The following NPIPB7 variants were observed in gnomAD, a reference collection of about 807,000 sequenced individuals.
NPIPB7 encodes nuclear pore complex interacting protein family member B7.
For synonymous variants in NPIPB7, 9 were observed against 88.1 expected (o/e 0.10, Z 5.03); for missense variants, 14 against 238.5 (o/e 0.06, Z 6.20).
At chr16:28,465,496 A>AG (rs1555466509) in intron 2 of NPIPB7, among the ~76,000 whole-genome samples, 64 of 144,184 alleles carry the variant, frequency 4.4e-4, no homozygotes, top group Non-Finnish European at 1.8e-4. Context: ...GGGTGAGAAA[A>AG]GAAAAAAAAA....
At chr16:28,469,092 G>C (rs1308621893) in intron 1 of NPIPB7, among the ~76,000 whole-genome samples, 9 of 108,108 alleles carry the variant, frequency 8.3e-5, no homozygotes, top group Non-Finnish European at 1.3e-4. Flanking sequence ...AGCATATGCT[G>C]AGTCTGAAAT....
At chr16:28,470,771 G>T (rs973008235), upstream of NPIPB7, among the ~76,000 whole-genome samples, 7 of 149,902 alleles carry the variant, frequency 4.7e-5, no homozygotes, top group African/African-American at 1.7e-4. Flanking sequence ...AAGTTCTCAA[G>T]CGCTGGTGGA....
intron 1 of NPIPB7, among the ~76,000 whole-genome samples, chr16:28,468,343 A>G (rs2045917591): frequency 1.6e-5 from 2 of 127,416 alleles, no homozygotes; most frequent in African/African-American, 6.0e-5. Context: ...ATTGATGTAT[A>G]ACATTGGATG....
upstream of NPIPB7, among the ~76,000 whole-genome samples, chr16:28,471,907 G>A (rs2045952954): frequency 6.6e-6 from 1 of 152,182 alleles, no homozygotes; most frequent in Non-Finnish European, 1.5e-5. Flanking sequence ...GCACCTGCCT[G>A]TAGTCCCAGA....
chr16:28,468,761 C>A (rs367840918), intron 1 of NPIPB7, among the ~76,000 whole-genome samples: 1 of 115,338 alleles, frequency 8.7e-6, no homozygotes, highest in Non-Finnish European at 2.0e-5. Flanking sequence ...GAGCCGAGAT[C>A]GCACCACTGC....
At chr16:28,461,272 C>T (rs1214759413) in intron 4 of NPIPB7, among the ~76,000 whole-genome samples, 7 of 127,740 alleles carry the variant, frequency 5.5e-5, no homozygotes, top group Admixed American at 5.2e-4. Flanking sequence ...AGGAAATACC[C>T]TGGCCTTTGT....
upstream of NPIPB7, among the ~76,000 whole-genome samples, chr16:28,472,045 G>A (rs1427010366): frequency 6.6e-6 from 1 of 152,140 alleles, no homozygotes; most frequent in Non-Finnish European, 1.5e-5. Flanking sequence ...AAAAAAAGTT[G>A]GAGGATTCAC....
At chr16:28,468,762 G>A (rs532479871) in intron 1 of NPIPB7, among the ~76,000 whole-genome samples, 460 of 112,210 alleles carry the variant, frequency 4.1e-3, no homozygotes, top group African/African-American at 0.013. Flanking sequence ...AGCCGAGATC[G>A]CACCACTGCA....
intron 4 of NPIPB7, among the ~76,000 whole-genome samples, chr16:28,461,947 C>CA (rs56100146): frequency 0.031 from 2,785 of 89,956 alleles, 43 homozygotes; most frequent in African/African-American, 0.057. Context: ...GACTCTGTCT[C>CA]AAAAAAAAAA....
chr16:28,472,011 C>T (rs1309004048), upstream of NPIPB7, among the ~76,000 whole-genome samples: 1 of 152,056 alleles, frequency 6.6e-6, no homozygotes, highest in African/African-American at 2.4e-5. Context: ...GTCTGAGCAA[C>T]AGAGCGAGAC....
At chr16:28,468,806 CAAAAAAAAAAAAA>C (rs1032086551) in intron 1 of NPIPB7, among the ~76,000 whole-genome samples, 6 of 24,410 alleles carry the variant, frequency 2.5e-4, no homozygotes, top group African/African-American at 8.1e-4. Context: ...GACTCTGTCT[CAAAAAAAAAAAAA>C]AAAAAAAAAA....
At chr16:28,462,072 G>T (rs1274820101) in intron 4 of NPIPB7, among the ~76,000 whole-genome samples, 487 of 147,538 alleles carry the variant, frequency 3.3e-3, no homozygotes, top group African/African-American at 0.012. Flanking sequence ...AGCCAAGATT[G>T]CACCATAGCA....
At chr16:28,468,339 G>T in intron 1 of NPIPB7, among the ~76,000 whole-genome samples, 1 of 121,866 alleles carries the variant, frequency 8.2e-6, no homozygotes, top group Non-Finnish European at 1.7e-5. Flanking sequence ...TTAAATTGAT[G>T]TATAACATTG....
At chr16:28,460,762 G>A (rs757808836) in intron 4 of NPIPB7, among the ~76,000 whole-genome samples, 37 of 51,210 alleles carry the variant, frequency 7.2e-4, no homozygotes, top group Middle Eastern at 0.011. Context: ...CTGTCCCCAC[G>A]GTAAAGAAGC....
At chr16:28,458,185 CA>C (rs1260218451) in intron 6 of NPIPB7, 200 bp downstream of exon 6, 4 of 433,348 alleles carry the variant, frequency 9.2e-6, no homozygotes, top group African/African-American at 8.0e-5. Context: ...GAATTTAGAT[CA>C]GGGGCCCCAC....
chr16:28,462,368 G>T (rs2045877110), intron 4 of NPIPB7, among the ~76,000 whole-genome samples: 1 of 145,178 alleles, frequency 6.9e-6, no homozygotes, highest in South Asian at 2.2e-4. Flanking sequence ...CTGAGATTGT[G>T]CCATTGCACT....
intron 2 of NPIPB7, among the ~76,000 whole-genome samples, chr16:28,465,505 A>G (rs1461330265): frequency 1.3e-5 from 2 of 149,412 alleles, no homozygotes; most frequent in Non-Finnish European, 3.0e-5. Flanking sequence ...AAGAAAAAAA[A>G]AAAAAAAAAG....
intron 2 of NPIPB7, among the ~76,000 whole-genome samples, chr16:28,463,563 C>T (rs1328213355): frequency 1.7e-4 from 25 of 143,160 alleles, no homozygotes; most frequent in Admixed American, 4.3e-4. Context: ...GCTGTCTCTG[C>T]TAAAAATACA....
At chr16:28,468,536 T>TTTTTTTAATTTTTGCA (rs2141683916) in intron 1 of NPIPB7, among the ~76,000 whole-genome samples, 1 of 142,608 alleles carries the variant, frequency 7.0e-6, no homozygotes, top group Admixed American at 7.0e-5. Flanking sequence ...GGGCCGGGTG[T>TTTTTTTAATTTTTGCA]GGTGGCTCAC....
Sources: gnomAD v4.1 joint callset for allele counts (sites outside exome capture counted in the v4.1 genomes callset) on GRCh38, gnomAD v4.1.1 for gene constraint, MANE v1.5 for transcripts, NCBI Gene and HGNC (gene_info 2026-07-23, HGNC 2026-07-21) for gene names.